The following C14orf39 variants were observed in gnomAD, a reference collection of about 807,000 sequenced individuals.
C14orf39 encodes the protein chromosome 14 open reading frame 39.
In C14orf39, 66 loss-of-function variants were observed where a neutral mutation model predicts 85.6. The ratio of observed to expected loss-of-function variants is 0.77; its 90% CI spans 0.63 to 0.95. The LOEUF is 0.95. Ranked by LOEUF, C14orf39 falls within the 40% of genes least tolerant of loss-of-function variation. The pLI is 0.00. For missense variants in C14orf39, 735 were observed against 663.9 expected (o/e 1.11, Z -1.18); for synonymous variants, 242 against 214.0 (o/e 1.13, Z -1.14).
intron 5 of C14orf39, among the ~76,000 whole-genome samples, chr14:60,473,745 C>G (rs1892224916): frequency 6.6e-6 from 1 of 152,098 alleles, no homozygotes; most frequent in Non-Finnish European, 1.5e-5. Context: ...GGGCTCTGTT[C>G]TGTTCCATTG....
chr14:60,481,058 T>A (rs182467921), intron 4 of C14orf39, among the ~76,000 whole-genome samples: 1 of 152,180 alleles, frequency 6.6e-6, no homozygotes, highest in Non-Finnish European at 1.5e-5. Flanking sequence ...GTATAGTGAC[T>A]ACAGTTAAAT....
intron 2 of C14orf39, chr14:60,496,490 A>C (rs1893071707): frequency 7.8e-6 from 2 of 256,818 alleles, no homozygotes; most frequent in South Asian, 1.2e-4. Context: ...ACCATTCTCC[A>C]TGTGACCATT....
chr14:60,490,765 C>T (rs141897991), upstream of C14orf39, among the ~76,000 whole-genome samples: 1,050 of 152,286 alleles, frequency 6.9e-3, 13 homozygotes, highest in African/African-American at 0.024. Context: ...GTAGTCGAGA[C>T]ACCATCACTA....
intron 6 of C14orf39, 29 bp from the exon 7 acceptor site, chr14:60,471,488 A>T (rs199808200): frequency 6.4e-5 from 101 of 1,584,516 alleles, no homozygotes; most frequent in Middle Eastern, 3.6e-4. Context: ...GCATAAGCTG[A>T]TTATTATATT....
chr14:60,442,547 AT>A (rs1466190093), intron 16 of C14orf39, among the ~76,000 whole-genome samples: 10 of 152,334 alleles, frequency 6.6e-5, no homozygotes, highest in Non-Finnish European at 1.2e-4. Context: ...TTTAAAAAAA[AT>A]GAGATCATGA....
In C14orf39 at chr14:60,461,430, T is replaced by C. The variant is rs560412510; in HGVS notation, c.1059-18A>G. ...TTAACAATCTAAAATGGAATAAATA[T>C]AATTTTTGTATTTTTTCTGAGTTGA... is the stretch of plus-strand genomic sequence containing the variant. On this transcript the variant is annotated intron_variant, in intron 12 of 17. Transcript: ENST00000321731. The C allele has an allele frequency of 1.1e-5, 17 of 1,595,118 alleles. No individual in the cohort carries two copies. The highest frequency in any genetic ancestry group is 9.4e-5 in the African/African-American group (7 of 74,146).
chr14:60,509,351 G>A (rs1420883938), intron 1 of C14orf39: 31 of 1,530,596 alleles, frequency 2.0e-5, no homozygotes, highest in Non-Finnish European at 2.8e-5. Context: ...CATCTGCTGC[G>A]TGTCCCGCTC....
intron 2 of C14orf39, among the ~76,000 whole-genome samples, chr14:60,493,413 C>G (rs1051687483): frequency 6.6e-6 from 1 of 152,132 alleles, no homozygotes; most frequent in African/African-American, 2.4e-5. Flanking sequence ...ATACAGTACC[C>G]TTTCCCCCAG....
Position 60,456,195 on chromosome 14 carries a change from T to C in C14orf39, c.1358+722A>G, listed in dbSNP as rs78869865. 4.6e-3 allele frequency among the ~76,000 whole-genome samples: 704 copies of C among 152,198 alleles called. 5 individuals are homozygous for C. Among genetic ancestry groups the C allele is most frequent in the East Asian group, 0.02 (102 of 5,182 alleles). ...ACCTCAGGGTTGTTAAGGAAGATAA[T>C]GGACTAAACATAAAGGTTAAGTGCA... is the stretch of plus-strand genomic sequence containing the variant. On this transcript the variant is annotated intron_variant, in intron 15 of 17. Coordinates refer to ENST00000321731, the MANE Select transcript of C14orf39 (RefSeq NM_174978.3).
At chr14:60,440,615 A>G (rs1405107614) in intron 17 of C14orf39, among the ~76,000 whole-genome samples, 3 of 152,132 alleles carry the variant, frequency 2.0e-5, no homozygotes, top group Non-Finnish European at 4.4e-5. Context: ...AGCAGCCAGA[A>G]TAATTCTTTT....
intron 16 of C14orf39, among the ~76,000 whole-genome samples, chr14:60,444,911 T>C (rs1456850981): frequency 1.3e-5 from 2 of 152,206 alleles, no homozygotes; most frequent in East Asian, 1.9e-4. Flanking sequence ...GGGGCCAATA[T>C]TCAACATTCT....
At chr14:60,454,697 T>G (rs1416979434) in intron 16 of C14orf39, among the ~76,000 whole-genome samples, 1 of 152,056 alleles carries the variant, frequency 6.6e-6, no homozygotes, top group Non-Finnish European at 1.5e-5. Flanking sequence ...TGTTGAGAAT[T>G]CTAGTTTGTC....
chr14:60,472,406 CTTTT>C (rs1179408519), intron 5 of C14orf39, among the ~76,000 whole-genome samples: 2 of 151,756 alleles, frequency 1.3e-5, no homozygotes, highest in African/African-American at 4.8e-5. Flanking sequence ...ACCTTTTTTT[CTTTT>C]TTATTATACT....
intron 1 of C14orf39, among the ~76,000 whole-genome samples, chr14:60,503,221 C>T (rs905979655): frequency 3.9e-5 from 6 of 152,134 alleles, no homozygotes; most frequent in South Asian, 2.1e-4. Flanking sequence ...TTTCCACCCC[C>T]GCTCAAAAAA....
At chr14:60,501,467 A>G (rs1893146816) in intron 1 of C14orf39, among the ~76,000 whole-genome samples, 1 of 152,238 alleles carries the variant, frequency 6.6e-6, no homozygotes, top group Non-Finnish European at 1.5e-5. Flanking sequence ...AGCAGCCACC[A>G]GAAGCTGGAA....
At chr14:60,511,556 G>A in intron 1 of C14orf39, 2 of 539,342 alleles carry the variant, frequency 3.7e-6, no homozygotes, top group South Asian at 4.1e-5. Context: ...TGCAAGCTGA[G>A]CGCCTGCCCA....
intron 4 of C14orf39, among the ~76,000 whole-genome samples, chr14:60,480,655 C>A (rs1477481850): frequency 3.3e-5 from 5 of 152,170 alleles, no homozygotes; most frequent in South Asian, 2.1e-4. Context: ...TCTGCCCTCC[C>A]ATGTTCATTT....
At chr14:60,473,376 T>A (rs1892199407) in intron 5 of C14orf39, among the ~76,000 whole-genome samples, 1 of 152,252 alleles carries the variant, frequency 6.6e-6, no homozygotes, top group African/African-American at 2.4e-5. Context: ...CTGATGGTAG[T>A]TTCTTTTGCT....
In C14orf39 at chr14:60,436,799, T is replaced by A. The variant is rs1890268831; in HGVS notation, c.*46A>T. ...TAAGCAATAATGTAAATTTATGCCC[T>A]CATGAACACAGAACAGTAAAATAAT... On this transcript the variant is annotated 3_prime_UTR_variant, in exon 18 of 18. Coordinates refer to ENST00000321731, the MANE Select transcript of C14orf39 (RefSeq NM_174978.3). The A allele has an allele frequency of 7.5e-7, 1 of 1,326,458 alleles. No homozygotes were observed. The highest frequency in any genetic ancestry group is 1.5e-5 in the African/African-American group (1 of 67,648). 82.2% of individuals were successfully genotyped at this position (1,326,458 alleles called of 1,614,324 possible). A position where few individuals can be genotyped will look rare whatever the true frequency, so the allele number is the denominator to read the frequency against.
Sources: allele counts gnomAD v4.1 joint callset (sites outside exome capture counted in the v4.1 genomes callset), GRCh38; gene constraint gnomAD v4.1.1; transcripts MANE v1.5; gene names NCBI Gene and HGNC (gene_info 2026-07-23, HGNC 2026-07-21).